PCDH9: variants seen among roughly 807,000 people sequenced by gnomAD.
The protein encoded by PCDH9 is protocadherin-9.
PCDH9 carries 24 observed loss-of-function variants against 70.6 expected under a neutral mutation model. The observed-to-expected ratio is 0.34, with a 90% CI of 0.25 to 0.48. The LOEUF (loss-of-function observed/expected upper bound fraction) is 0.48, where lower values mean the gene tolerates loss of function less well. Ranked by LOEUF, PCDH9 falls within the 20% of genes least tolerant of loss-of-function variation. The pLI, the probability that PCDH9 is intolerant of heterozygous loss-of-function variation, is 0.99. For synonymous variants in PCDH9, 562 were observed against 558.5 expected, an observed-to-expected ratio of 1.01 and a Z score of -0.09; for missense variants, 1,281 against 1,503.6, an observed-to-expected ratio of 0.85 and a Z score of 2.45.
At chr13:66,659,692 A>G (rs1394674976) in intron 3 of PCDH9, among the ~76,000 whole-genome samples, 1 of 151,348 alleles carries the variant, frequency 6.6e-6, no homozygotes, top group Non-Finnish European at 1.5e-5. Flanking sequence ...TTTTTCTGTT[A>G]CTGCTTCTGC....
intron 2 of PCDH9, among the ~76,000 whole-genome samples, chr13:67,080,812 C>T (rs774895739): frequency 5.3e-5 from 8 of 152,120 alleles, no homozygotes; most frequent in Non-Finnish European, 1.2e-4. Flanking sequence ...GAAGTGTCAA[C>T]AGAACAAACA....
intron 2 of PCDH9, among the ~76,000 whole-genome samples, chr13:67,187,406 G>A (rs1321512141): frequency 6.6e-6 from 1 of 152,142 alleles, no homozygotes; most frequent in Non-Finnish European, 1.5e-5. Context: ...AGTATGGCTT[G>A]CTATAACCTG....
chr13:66,779,550 C>T (rs532311692), intron 3 of PCDH9, among the ~76,000 whole-genome samples: 70 of 152,176 alleles, frequency 4.6e-4, no homozygotes, highest in Admixed American at 1.4e-3. Context: ...TGGCTGGGCG[C>T]GGTGGCTCAG....
intron 2 of PCDH9, among the ~76,000 whole-genome samples, chr13:67,137,337 G>T (rs1299715055): frequency 6.6e-6 from 1 of 152,058 alleles, no homozygotes; most frequent in African/African-American, 2.4e-5. Context: ...CATATCGTTT[G>T]TATGAAACCT....
chr13:66,784,672 T>C (rs561191133), intron 3 of PCDH9, among the ~76,000 whole-genome samples: 1 of 152,182 alleles, frequency 6.6e-6, no homozygotes, highest in Non-Finnish European at 1.5e-5. Context: ...CTTATAAATA[T>C]AAAACCGTTC....
chr13:66,916,626 A>G (rs2082562066), intron 2 of PCDH9, among the ~76,000 whole-genome samples: 1 of 151,580 alleles, frequency 6.6e-6, no homozygotes, highest in Non-Finnish European at 1.5e-5. Flanking sequence ...AGAGCTGTAT[A>G]TGTAATTTAT....
intron 2 of PCDH9, among the ~76,000 whole-genome samples, chr13:66,949,703 C>T (rs1191895759): frequency 6.6e-6 from 1 of 151,604 alleles, no homozygotes; most frequent in Admixed American, 6.6e-5. Flanking sequence ...TCTCCATCGA[C>T]TAGTTGGAAT....
intron 4 of PCDH9, among the ~76,000 whole-genome samples, chr13:66,465,254 G>A (rs558281442): frequency 1.1e-4 from 16 of 151,858 alleles, no homozygotes; most frequent in South Asian, 8.3e-4. Context: ...TTCAAGTGAC[G>A]AGAAATATTT....
chr13:66,618,533 G>T (rs898083890), intron 4 of PCDH9, among the ~76,000 whole-genome samples: 1 of 151,974 alleles, frequency 6.6e-6, no homozygotes, highest in African/African-American at 2.4e-5. Flanking sequence ...TAAAGATAAA[G>T]ATATTAATTT....
chr13:66,967,577 T>A (rs1441220568), intron 2 of PCDH9, among the ~76,000 whole-genome samples: 1 of 151,998 alleles, frequency 6.6e-6, no homozygotes, highest in Admixed American at 6.6e-5. Context: ...GTAACAAGTT[T>A]ACCCAAATCC....
At chr13:67,002,521 CA>C (rs11342789) in intron 2 of PCDH9, among the ~76,000 whole-genome samples, 104,348 of 151,320 alleles carry the variant, frequency 0.69, 36,325 homozygotes, top group East Asian at 0.95. Flanking sequence ...TACAATTAAT[CA>C]AGAGTCTAAG....
chr13:66,850,678 T>C (rs1294426103), intron 3 of PCDH9, among the ~76,000 whole-genome samples: 2 of 152,328 alleles, frequency 1.3e-5, no homozygotes, highest in East Asian at 3.9e-4. Flanking sequence ...TTTCTTCCCT[T>C]GATGTGAAAA....
At chr13:67,200,641 T>C (rs1353349493) in intron 2 of PCDH9, among the ~76,000 whole-genome samples, 1 of 152,072 alleles carries the variant, frequency 6.6e-6, no homozygotes. Context: ...CACAAAAGGG[T>C]TTAACAGACC....
rs2089822734 is a variant in PCDH9 at position 67,225,096 on chromosome 13, A to G, written c.3036+309T>C. The G allele has an allele frequency of 8.2e-6, 10 of 1,215,454 alleles. 1 individual carries two copies. The South Asian group carries it at 2.0e-4, about 25-fold the overall frequency. The allele number at this position is 1,215,454 out of a possible 1,614,324, so 75.3% of individuals were successfully genotyped here. On this transcript the variant is annotated intron_variant, in intron 2 of 4. Coordinates refer to ENST00000377865, the MANE Select transcript of PCDH9 (RefSeq NM_203487.3). ...GAAACCCCCAGGAGCAGAATTTGGC[A>G]TATCAGGACAGGTTTTTTCTTCTTC... is the stretch of plus-strand genomic sequence containing the variant.
chr13:66,599,426 A>G (rs1008536734), intron 4 of PCDH9, among the ~76,000 whole-genome samples: 2 of 151,918 alleles, frequency 1.3e-5, no homozygotes. Context: ...GTCAAATATT[A>G]AAAGTTATTA....
intron 2 of PCDH9, among the ~76,000 whole-genome samples, chr13:66,958,258 A>T (rs1258588387): frequency 6.6e-6 from 1 of 152,220 alleles, no homozygotes; most frequent in African/African-American, 2.4e-5. Flanking sequence ...TTACAATTGG[A>T]GTGTTTACAA....
At chr13:66,954,962 A>G (rs961699790) in intron 2 of PCDH9, among the ~76,000 whole-genome samples, 19 of 152,204 alleles carry the variant, frequency 1.2e-4, no homozygotes, top group African/African-American at 4.6e-4. Flanking sequence ...ACAGGGTTTC[A>G]CTGTGTTAGC....
In PCDH9 at chr13:66,775,741, G is replaced by A. The variant is rs193172881; in HGVS notation, c.3138+127763C>T. ...AATTAAATTTTTAAGCCATTGATAAGGCTTCAGGTCAACAGTAGGCTATTA... is the reference window on the plus strand; with the variant it reads ...AATTAAATTTTTAAGCCATTGATAAAGCTTCAGGTCAACAGTAGGCTATTA... On this transcript the variant is annotated intron_variant, in intron 3 of 4. Transcript: ENST00000377865. 7.2e-5 allele frequency among the ~76,000 whole-genome samples: 11 copies of A among 152,276 alleles called. No individual in the cohort carries two copies. The East Asian group carries it at 2.1e-3, about 29-fold the overall frequency.
chr13:66,407,513 T>TAAAAC (rs1348490584), intron 4 of PCDH9, among the ~76,000 whole-genome samples: 1 of 152,186 alleles, frequency 6.6e-6, no homozygotes. Flanking sequence ...GGGTGTTGTT[T>TAAAAC]TTTAATGTTG....
Sources: gnomAD v4.1 joint callset for allele counts (sites outside exome capture counted in the v4.1 genomes callset) on GRCh38, gnomAD v4.1.1 for gene constraint, MANE v1.5 for transcripts, NCBI Gene and HGNC (gene_info 2026-07-23, HGNC 2026-07-21) for gene names.